RSBN1L: variants seen among roughly 807,000 people sequenced by gnomAD.
The protein encoded by RSBN1L is round spermatid basic protein 1 like, also known as lysine-specific demethylase RSBN1L.
Under a neutral mutation model 67.7 loss-of-function variants are expected in RSBN1L, and 30 were observed. The observed-to-expected ratio is 0.44, with a 90% CI of 0.33 to 0.60. The LOEUF is 0.60. Ranked by LOEUF, RSBN1L falls within the 20% of genes least tolerant of loss-of-function variation. The pLI is 0.02. For missense variants in RSBN1L, 992 were observed against 1,031.7 expected (o/e 0.96, Z 0.53); for synonymous variants, 433 against 387.0 (o/e 1.12, Z -1.39).
chr7:77,699,159 C>T (rs1241371593), intron 1 of RSBN1L, among the ~76,000 whole-genome samples: 1 of 152,022 alleles, frequency 6.6e-6, no homozygotes, highest in African/African-American at 2.4e-5. Flanking sequence ...AGGTATATAC[C>T]TCTTTTTAGT....
At chr7:77,755,907 T>C (rs763007865) in intron 3 of RSBN1L, among the ~76,000 whole-genome samples, 3 of 152,182 alleles carry the variant, frequency 2.0e-5, no homozygotes, top group Non-Finnish European at 4.4e-5. Context: ...ATGATAATGC[T>C]TTCTACAGAG....
chr7:77,723,767 C>T (rs1791154041), intron 1 of RSBN1L, among the ~76,000 whole-genome samples: 1 of 152,080 alleles, frequency 6.6e-6, no homozygotes, highest in African/African-American at 2.4e-5. Context: ...AACCCAGTAT[C>T]TACTAAAAAT....
At chr7:77,776,343 T>C (rs1791914329) in intron 6 of RSBN1L, among the ~76,000 whole-genome samples, 1 of 152,186 alleles carries the variant, frequency 6.6e-6, no homozygotes, top group Non-Finnish European at 1.5e-5. Context: ...ATTCACAGAG[T>C]TATGCAACCA....
rs1450427830 is a variant in RSBN1L, at chr7:77,779,865, T to C, written c.*697T>C. On this transcript the variant is annotated 3_prime_UTR_variant, in exon 8 of 8. Coordinates refer to ENST00000334955, the MANE Select transcript of RSBN1L (RefSeq NM_198467.3). ...TTTTTTTTGATACGGAGTTTCATTC[T>C]GTCACCAGGCTGGAGTTCAGTGGTG... 1 of 151,430 alleles carries C rather than the reference T, an allele frequency of 6.6e-6. No homozygotes were observed. Among genetic ancestry groups the C allele is most frequent in the Non-Finnish European group, 1.5e-5 (1 of 67,862 alleles). 9.4% of individuals were successfully genotyped at this position (151,430 alleles called of 1,614,324 possible).
intron 3 of RSBN1L, among the ~76,000 whole-genome samples, chr7:77,756,604 G>A (rs1016368658): frequency 6.6e-6 from 1 of 151,690 alleles, no homozygotes; most frequent in Admixed American, 6.6e-5. Flanking sequence ...GTGAAACTCC[G>A]TTTCTAATAA....
At position 77,741,551 on chromosome 7, in the gene RSBN1L, G is replaced by A. The variant is rs572823030; in HGVS notation, c.703+5025G>A. ...CTAAAAATACAAAAAAATTAGCTGG[G>A]CGTGGTGGCAGGCACCTGTAGTCCC... On this transcript the variant is annotated intron_variant, in intron 2 of 7. Transcript: ENST00000334955. Among the ~76,000 whole-genome samples the A allele has an allele frequency of 4.6e-5, 7 of 151,808 alleles. No homozygotes were observed. The East Asian group carries it at 5.9e-4, about 13-fold the overall frequency.
At chr7:77,768,437 G>A in intron 4 of RSBN1L, 1 of 493,324 alleles carries the variant, frequency 2.0e-6, no homozygotes, top group Non-Finnish European at 3.7e-6. Flanking sequence ...AGGGTATAGG[G>A]ACAGAACCAT....
chr7:77,759,109 A>G (rs970887562), intron 3 of RSBN1L, among the ~76,000 whole-genome samples: 1 of 152,204 alleles, frequency 6.6e-6, no homozygotes, highest in African/African-American at 2.4e-5. Context: ...TTCACTGTAG[A>G]GTTGGGGCAG....
intron 4 of RSBN1L, among the ~76,000 whole-genome samples, chr7:77,765,948 T>C (rs796578296): frequency 2.6e-5 from 4 of 152,290 alleles, no homozygotes; most frequent in African/African-American, 7.2e-5. Flanking sequence ...GTTTATCAGC[T>C]CTTTGTAAAC....
At chr7:77,765,064 G>A (rs1791744347) in intron 3 of RSBN1L, among the ~76,000 whole-genome samples, 1 of 152,188 alleles carries the variant, frequency 6.6e-6, no homozygotes, top group African/African-American at 2.4e-5. Flanking sequence ...ACTGTTGATG[G>A]TTAAATGTTT....
At position 77,736,489 on chromosome 7, in the gene RSBN1L, C is replaced by CAAGAAAGAGAATGGAGAAGTA. The variant is rs1435272092; in HGVS notation, c.671_691dup (p.Lys224_Lys230dup). ...AGAAACATAAAGTAATGAATGAGATCAAGAAAGAGAATGGAGAAGTAAAGA... is the reference window on the plus strand; with the variant it reads ...AGAAACATAAAGTAATGAATGAGATCAAGAAAGAGAATGGAGAAGTAAAGAAAGAGAATGGAGAAGTAAAGA... On this transcript the variant is annotated inframe_insertion, in exon 2 of 8. Transcript: ENST00000334955. The CAAGAAAGAGAATGGAGAAGTA allele has an allele frequency of 7.8e-7, 1 of 1,289,652 alleles. No individual in the cohort carries two copies. Among genetic ancestry groups the CAAGAAAGAGAATGGAGAAGTA allele is most frequent in the Non-Finnish European group, 1.1e-6 (1 of 939,404 alleles). The allele number at this position is 1,289,652 out of a possible 1,614,324, so 79.9% of individuals were successfully genotyped here. A position where few individuals can be genotyped will look rare whatever the true frequency, so the allele number is the denominator to read the frequency against.
chr7:77,773,720 G>A (rs1374032774), intron 6 of RSBN1L, among the ~76,000 whole-genome samples: 2 of 152,172 alleles, frequency 1.3e-5, no homozygotes, highest in African/African-American at 4.8e-5. Context: ...CCGAGATCGC[G>A]CCACTGCACT....
chr7:77,699,632 A>C (rs1253104278), intron 1 of RSBN1L, among the ~76,000 whole-genome samples: 1 of 152,146 alleles, frequency 6.6e-6, no homozygotes, highest in East Asian at 1.9e-4. Context: ...TGAACAAGAG[A>C]ATTATGAAAG....
At chr7:77,725,327 C>T (rs1489710000) in intron 1 of RSBN1L, among the ~76,000 whole-genome samples, 7 of 126,876 alleles carry the variant, frequency 5.5e-5, no homozygotes, top group South Asian at 5.2e-4. Flanking sequence ...CTGCTCACTG[C>T]AACCTCTGCC....
chr7:77,749,625 A>T lies in RSBN1L; in HGVS notation c.905A>T (p.Asp302Val). 6.2e-7 allele frequency: 1 copy of T among 1,613,978 alleles called. No individual in the cohort carries two copies. The highest frequency in any genetic ancestry group is 8.5e-7 in the Non-Finnish European group (1 of 1,179,900). The stretch of plus-strand genomic sequence containing the variant: ...GGCATCCTAAATGATAACATAAAAG[A>T]TTACGTTGGGAAGAATTTGGATACC... ...AKGILNDNIK[D>V]YVGKNLDTKN... The change falls in exon 3 of 8, where the codon GAT (aspartate) becomes GTT (valine). Residue 302 changes from aspartate to valine, a missense_variant. By Grantham distance (152) the Asp-to-Val change is radical (BLOSUM62 -3). Coordinates refer to ENST00000334955, the MANE Select transcript of RSBN1L (RefSeq NM_198467.3).
At chr7:77,716,995 C>G (rs1791058049) in intron 1 of RSBN1L, among the ~76,000 whole-genome samples, 1 of 147,188 alleles carries the variant, frequency 6.8e-6, no homozygotes, top group South Asian at 2.2e-4. Context: ...GGGTCTTGCT[C>G]TGTTGCCCAG....
intron 1 of RSBN1L, among the ~76,000 whole-genome samples, chr7:77,713,432 C>T (rs1289913529): frequency 6.6e-6 from 1 of 151,712 alleles, no homozygotes; most frequent in Admixed American, 6.6e-5. Context: ...TATCAGCTCA[C>T]TGCAAGCTCC....
intron 3 of RSBN1L, among the ~76,000 whole-genome samples, chr7:77,762,502 A>C (rs1791708420): frequency 6.6e-6 from 1 of 152,210 alleles, no homozygotes; most frequent in Admixed American, 6.5e-5. Context: ...AAATTAATGT[A>C]AATGTATAAT....
chr7:77,721,086 G>A (rs77624191), intron 1 of RSBN1L, among the ~76,000 whole-genome samples: 81 of 152,014 alleles, frequency 5.3e-4, no homozygotes, highest in East Asian at 4.6e-3. Flanking sequence ...TTTATGGCCC[G>A]CTTTGTGCTT....
Sources: gnomAD v4.1 joint callset for allele counts (sites outside exome capture counted in the v4.1 genomes callset) on GRCh38, gnomAD v4.1.1 for gene constraint, MANE v1.5 for transcripts, NCBI Gene and HGNC (gene_info 2026-07-23, HGNC 2026-07-21) for gene names.